The following TUSC3 variants were observed in gnomAD, a reference collection of about 807,000 sequenced individuals.
TUSC3 encodes the protein dolichyl-diphosphooligosaccharide--protein glycosyltransferase subunit TUSC3.
A neutral mutation model predicts 44.8 loss-of-function variants in TUSC3; 45 were observed. The observed-to-expected ratio is 1.00, with a 90% CI of 0.79 to 1.29. The LOEUF (loss-of-function observed/expected upper bound fraction) is 1.29. TUSC3 is among the 50% of genes most tolerant of loss of function. TUSC3 has a pLI of 0.00. For synonymous variants in TUSC3, 212 were observed against 152.9 expected, an observed-to-expected ratio of 1.39 and a Z score of -2.85; for missense variants, 519 against 437.9, an observed-to-expected ratio of 1.19 and a Z score of -1.65.
chr8:15,573,194 C>CTATATA (rs1351559750), intron 1 of TUSC3, among the ~76,000 whole-genome samples: 6 of 104,744 alleles, frequency 5.7e-5, no homozygotes, highest in East Asian at 3.2e-4. Flanking sequence ...CTCTCTCTCT[C>CTATATA]TCTCTCTCTA....
intron 1 of TUSC3, among the ~76,000 whole-genome samples, chr8:15,575,002 T>A (rs2129144517): frequency 6.6e-6 from 1 of 152,276 alleles, no homozygotes; most frequent in Non-Finnish European, 1.5e-5. Flanking sequence ...GTTCTTTTTC[T>A]GCTGTGCTTC....
chr8:15,750,824 G>A (rs1811666116), intron 9 of TUSC3, among the ~76,000 whole-genome samples: 1 of 152,156 alleles, frequency 6.6e-6, no homozygotes, highest in Non-Finnish European at 1.5e-5. Context: ...GCCTTCAGCA[G>A]GCCTCATAAT....
chr8:15,474,729 G>A (rs1475625266), intron 1 of TUSC3, among the ~76,000 whole-genome samples: 1 of 152,012 alleles, frequency 6.6e-6, no homozygotes. Context: ...AATGTCCAAA[G>A]AAATAAAAGA....
intron 1 of TUSC3, among the ~76,000 whole-genome samples, chr8:15,590,596 T>A (rs748277593): frequency 2.5e-4 from 38 of 152,138 alleles, no homozygotes; most frequent in Non-Finnish European, 5.1e-4. Context: ...GCCATGTTGC[T>A]CTATGTGGGG....
At chr8:15,661,263 C>G (rs1807410332) in intron 4 of TUSC3, among the ~76,000 whole-genome samples, 1 of 152,008 alleles carries the variant, frequency 6.6e-6, no homozygotes, top group South Asian at 2.1e-4. Context: ...ACCTAATACC[C>G]TTTACATTGT....
intron 4 of TUSC3, among the ~76,000 whole-genome samples, chr8:15,660,352 A>G (rs1427992559): frequency 6.6e-6 from 1 of 152,104 alleles, no homozygotes; most frequent in Non-Finnish European, 1.5e-5. Flanking sequence ...GGTTAGAAAA[A>G]TAGTATTAAT....
intron 6 of TUSC3, among the ~76,000 whole-genome samples, chr8:15,693,105 T>C (rs1808994348): frequency 6.6e-6 from 1 of 152,226 alleles, no homozygotes; most frequent in Admixed American, 6.5e-5. Context: ...TGATTCTTTA[T>C]GCAACTTGCT....
At chr8:15,669,635 A>G (rs1030949331) in intron 5 of TUSC3, among the ~76,000 whole-genome samples, 5 of 151,886 alleles carry the variant, frequency 3.3e-5, no homozygotes, top group Non-Finnish European at 2.9e-5. Flanking sequence ...TCTTTGATAC[A>G]TGCATATCAG....
chr8:15,774,360 A>T, the TUSC3 span, among the ~76,000 whole-genome samples: 1 of 152,112 alleles, frequency 6.6e-6, no homozygotes, highest in Non-Finnish European at 1.5e-5. Flanking sequence ...GAATGCTCCT[A>T]ATCCAGTATT....
intron 1 of TUSC3, among the ~76,000 whole-genome samples, chr8:15,551,259 T>A (rs955094047): frequency 6.6e-6 from 1 of 151,698 alleles, no homozygotes; most frequent in African/African-American, 2.4e-5. Flanking sequence ...TAGAAACTAC[T>A]AGAGTAGACT....
intron 1 of TUSC3, among the ~76,000 whole-genome samples, chr8:15,418,234 A>G (rs1799684914): frequency 6.6e-6 from 1 of 152,204 alleles, no homozygotes; most frequent in Non-Finnish European, 1.5e-5. Context: ...GCCTATTAGT[A>G]AAATGCACAG....
At chr8:15,833,788 G>A in the TUSC3 span, among the ~76,000 whole-genome samples, 1 of 151,460 alleles carries the variant, frequency 6.6e-6, no homozygotes, top group Non-Finnish European at 1.5e-5. Flanking sequence ...AAACCCCGTT[G>A]TTACAAGTTT....
chr8:15,613,432 A>G (rs1028845250), intron 1 of TUSC3, among the ~76,000 whole-genome samples: 12 of 152,202 alleles, frequency 7.9e-5, no homozygotes, highest in Non-Finnish European at 1.5e-4. Flanking sequence ...CATTTGTAAG[A>G]TGCAGTGCTA....
chr8:15,529,950 T>C (rs1263070738), intron 2 of TUSC3, among the ~76,000 whole-genome samples: 1 of 5,638 alleles, frequency 1.8e-4, no homozygotes, highest in African/African-American at 3.1e-4. Context: ...GGCGCCCGGC[T>C]AATTTTTTGT....
At chr8:15,690,262 C>T (rs57286970) in intron 6 of TUSC3, among the ~76,000 whole-genome samples, 1,655 of 152,074 alleles carry the variant, frequency 0.011, 33 homozygotes, top group African/African-American at 0.038. Context: ...TAATGATTAA[C>T]GCTGTTGAGC....
the TUSC3 span, among the ~76,000 whole-genome samples, chr8:15,812,219 A>G: frequency 2.0e-5 from 3 of 152,330 alleles, no homozygotes; most frequent in East Asian, 1.9e-4. Context: ...CAATGTAAAA[A>G]TATCTGTTTC....
chr8:15,618,413 T>A (rs1024691278), intron 1 of TUSC3, among the ~76,000 whole-genome samples: 4 of 152,234 alleles, frequency 2.6e-5, no homozygotes, highest in Non-Finnish European at 5.9e-5. Context: ...TTTTTTCTGA[T>A]TTTTTAAGAA....
At chr8:15,509,501 G>A (rs1414223915) in intron 2 of TUSC3, among the ~76,000 whole-genome samples, 3 of 152,030 alleles carry the variant, frequency 2.0e-5, no homozygotes, top group East Asian at 1.9e-4. Context: ...CCAGCTACTC[G>A]GGAGGCTGAG....
At chr8:15,726,179 A>T (rs1216761289) in intron 6 of TUSC3, among the ~76,000 whole-genome samples, 1 of 152,190 alleles carries the variant, frequency 6.6e-6, no homozygotes, top group Non-Finnish European at 1.5e-5. Context: ...AAGTAAAATC[A>T]GGTTTATTTC....
Sources: gnomAD v4.1 joint callset for allele counts (sites outside exome capture counted in the v4.1 genomes callset) on GRCh38, gnomAD v4.1.1 for gene constraint, MANE v1.5 for transcripts, NCBI Gene and HGNC (gene_info 2026-07-23, HGNC 2026-07-21) for gene names.